The following GALNT13 variants were observed in gnomAD, a reference collection of about 807,000 sequenced individuals.
GALNT13 encodes polypeptide N-acetylgalactosaminyltransferase 13.
Under a neutral mutation model 64.2 loss-of-function variants are expected in GALNT13, and 28 were observed. The ratio of observed to expected loss-of-function variants is 0.44; its 90% confidence interval spans 0.32 to 0.60. The LOEUF is 0.60. Ranked by LOEUF, GALNT13 falls within the 20% of genes least tolerant of loss-of-function variation. The pLI is 0.05. For missense variants in GALNT13, 577 were observed against 669.8 expected (o/e 0.86, Z 1.53); for synonymous variants, 214 against 224.6 (o/e 0.95, Z 0.42).
chr2:154,431,021 TCA>T (rs1700687289), intron 11 of GALNT13, among the ~76,000 whole-genome samples: 1 of 152,166 alleles, frequency 6.6e-6, no homozygotes, highest in Non-Finnish European at 1.5e-5. Context: ...ACAAAAAAAT[TCA>T]TGTGCCTTGC....
At chr2:153,527,994 A>G in the GALNT13 span, among the ~76,000 whole-genome samples, 1 of 152,008 alleles carries the variant, frequency 6.6e-6, no homozygotes, top group Non-Finnish European at 1.5e-5. Flanking sequence ...TACTAATGGG[A>G]ATACGAGAAG....
the GALNT13 span, among the ~76,000 whole-genome samples, chr2:153,859,925 G>A: frequency 0.027 from 4,131 of 152,234 alleles, 75 homozygotes; most frequent in Non-Finnish European, 0.034. Flanking sequence ...TGTATCACAA[G>A]TGAAATTCAT....
At chr2:153,491,743 C>T in the GALNT13 span, among the ~76,000 whole-genome samples, 1 of 151,976 alleles carries the variant, frequency 6.6e-6, no homozygotes, top group Non-Finnish European at 1.5e-5. Flanking sequence ...GCCTCAGCCT[C>T]CCTGGTTGCT....
intron 1 of GALNT13, among the ~76,000 whole-genome samples, chr2:153,876,519 A>G (rs997861635): frequency 1.3e-5 from 2 of 152,158 alleles, no homozygotes; most frequent in African/African-American, 4.8e-5. Flanking sequence ...AAACAATTAT[A>G]TCTAGTTTTT....
chr2:154,073,203 G>T (rs1700823971), intron 3 of GALNT13, among the ~76,000 whole-genome samples: 1 of 150,288 alleles, frequency 6.7e-6, no homozygotes. Context: ...TGTGATGAAT[G>T]TGTAGAGTAA....
the GALNT13 span, among the ~76,000 whole-genome samples, chr2:153,435,238 A>G: frequency 3.3e-5 from 5 of 151,968 alleles, no homozygotes; most frequent in African/African-American, 9.7e-5. Context: ...TAGCCTTGTA[A>G]TATAGTTTGA....
chr2:154,408,918 G>T, intron 10 of GALNT13, 66 bp from the exon 11 acceptor site: 1 of 951,446 alleles, frequency 1.1e-6, no homozygotes, highest in Non-Finnish European at 1.7e-6. Flanking sequence ...ACATGAGAAG[G>T]ATTTGATGAC....
At chr2:154,262,887 C>A (rs184888786) in intron 8 of GALNT13, among the ~76,000 whole-genome samples, 2 of 152,070 alleles carry the variant, frequency 1.3e-5, no homozygotes, top group Admixed American at 6.5e-5. Flanking sequence ...ATAAAATGAA[C>A]CAAGAAAATT....
At chr2:153,895,252 A>G (rs745629912) in intron 1 of GALNT13, among the ~76,000 whole-genome samples, 4 of 152,082 alleles carry the variant, frequency 2.6e-5, no homozygotes, top group Non-Finnish European at 5.9e-5. Context: ...AGTTGTTTGT[A>G]TTGTTCAGGG....
At chr2:154,109,313 G>C (rs906454987) in intron 3 of GALNT13, among the ~76,000 whole-genome samples, 1 of 151,868 alleles carries the variant, frequency 6.6e-6, no homozygotes, top group Non-Finnish European at 1.5e-5. Context: ...AAATGCTACT[G>C]ATTTTTGCCT....
At chr2:153,608,186 G>A in the GALNT13 span, among the ~76,000 whole-genome samples, 3,338 of 152,236 alleles carry the variant, frequency 0.022, 124 homozygotes, top group African/African-American at 0.077. Flanking sequence ...GAGATTAATA[G>A]TGGATGAATC....
chr2:153,155,632 A>T, the GALNT13 span, among the ~76,000 whole-genome samples: 1 of 152,020 alleles, frequency 6.6e-6, no homozygotes, highest in Non-Finnish European at 1.5e-5. Flanking sequence ...TAGTCTAGCA[A>T]GTGGTCTATC....
chr2:153,797,636 G>C, the GALNT13 span, among the ~76,000 whole-genome samples: 9 of 152,308 alleles, frequency 5.9e-5, no homozygotes, highest in East Asian at 1.5e-3. Context: ...TTGGTAACGG[G>C]AAGTGTGTTA....
chr2:153,689,129 T>A, the GALNT13 span, among the ~76,000 whole-genome samples: 1 of 150,558 alleles, frequency 6.6e-6, no homozygotes, highest in African/African-American at 2.4e-5. Flanking sequence ...TGCTAAACCA[T>A]TTTCTGATGT....
At chr2:153,677,115 T>C in the GALNT13 span, among the ~76,000 whole-genome samples, 34 of 152,172 alleles carry the variant, frequency 2.2e-4, no homozygotes, top group African/African-American at 8.2e-4. Context: ...TATAATTCTA[T>C]ACCTAGAAAA....
At chr2:153,252,785 T>C in the GALNT13 span, among the ~76,000 whole-genome samples, 1 of 152,218 alleles carries the variant, frequency 6.6e-6, no homozygotes, top group Non-Finnish European at 1.5e-5. Context: ...TAGTTGTAGA[T>C]ATGTGGCATT....
the GALNT13 span, among the ~76,000 whole-genome samples, chr2:153,270,352 T>C: frequency 6.6e-6 from 1 of 152,228 alleles, no homozygotes; most frequent in East Asian, 1.9e-4. Flanking sequence ...GTTAATGCAC[T>C]AGCTCATTTA....
intron 6 of GALNT13, 52 bp downstream of exon 6, chr2:154,242,957 C>T: frequency 7.1e-7 from 1 of 1,412,554 alleles, no homozygotes; most frequent in South Asian, 1.2e-5. Context: ...CCTCTTAGGA[C>T]AGTTCCAGAT....
At chr2:153,726,613 C>A in the GALNT13 span, among the ~76,000 whole-genome samples, 2 of 152,056 alleles carry the variant, frequency 1.3e-5, no homozygotes, top group African/African-American at 2.4e-5. Context: ...GAATAAACCA[C>A]GTCATTTGGC....
Sources: allele counts gnomAD v4.1 joint callset (sites outside exome capture counted in the v4.1 genomes callset), GRCh38; gene constraint gnomAD v4.1.1; transcripts MANE v1.5; gene names NCBI Gene and HGNC (gene_info 2026-07-23, HGNC 2026-07-21).